WDHD1: variants seen among roughly 807,000 people sequenced by gnomAD.
WDHD1 encodes WD repeat and HMG-box DNA binding protein 1, also known as WD repeat and HMG-box DNA-binding protein 1.
In WDHD1, 111 loss-of-function variants were observed where a neutral mutation model predicts 135.4. The ratio of observed to expected loss-of-function variants is 0.82; its 90% CI spans 0.70 to 0.96. WDHD1 has a LOEUF of 0.96. WDHD1 is among the 40% of genes least tolerant of loss of function. WDHD1 has a pLI of 0.00. For missense variants in WDHD1, 1,351 were observed against 1,336.3 expected (o/e 1.01, Z -0.17); for synonymous variants, 434 against 439.0 (o/e 0.99, Z 0.14).
rs142576091 is a variant in WDHD1 at position 54,962,541 on chromosome 14, C to T, written c.2658G>A (p.Ser886=). 295 of 1,609,584 alleles carry T rather than the reference C, an allele frequency of 1.8e-4. No individual in the cohort carries two copies. In the Admixed American group the frequency reaches 2.3e-3, roughly 13 times the overall value. Residue 886 remains serine, a synonymous_variant, in exon 21 of 26, where the codon TCG becomes TCA. Coordinates refer to ENST00000360586, the MANE Select transcript of WDHD1 (RefSeq NM_007086.4). ...CAGAGGAATTTGTACTTTTGGAAAACGAGTTCTGTCCTACAGATTAAAATA... is the reference window on the plus strand; with the variant it reads ...CAGAGGAATTTGTACTTTTGGAAAATGAGTTCTGTCCTACAGATTAAAATA... ...KPEIHKPGQN[S]FSKSTNSSDV...
In WDHD1 at chr14:55,005,770, A is replaced by C. The variant is rs2042057459; in HGVS notation, c.600+1510T>G. On this transcript the variant is annotated intron_variant, in intron 7 of 25. Coordinates refer to ENST00000360586, the MANE Select transcript of WDHD1 (RefSeq NM_007086.4). ...TCTCTGGGTAGTGCAGAAAGCCCTCATGGGCTTTAGAATCAGCTCAATTTG... is the reference window on the plus strand; with the variant it reads ...TCTCTGGGTAGTGCAGAAAGCCCTCCTGGGCTTTAGAATCAGCTCAATTTG... 4 of 346,264 alleles carry C rather than the reference A, an allele frequency of 1.2e-5. 1 individual carries two copies. Among genetic ancestry groups the C allele is most frequent in the African/African-American group, 8.5e-5 (4 of 47,226 alleles). The allele number at this position is 346,264 out of a possible 1,614,324, so 21.4% of individuals were successfully genotyped here. A position where few individuals can be genotyped will look rare whatever the true frequency, so the allele number is the denominator to read the frequency against.
intron 12 of WDHD1, among the ~76,000 whole-genome samples, chr14:54,990,324 G>A (rs1171206662): frequency 6.6e-6 from 1 of 152,030 alleles, no homozygotes; most frequent in African/African-American, 2.4e-5. Context: ...CAGGCCAGGC[G>A]CGGTGGCTCA....
chr14:54,949,820 G>A (rs994167891), intron 24 of WDHD1, among the ~76,000 whole-genome samples: 2 of 152,236 alleles, frequency 1.3e-5, no homozygotes, highest in Non-Finnish European at 2.9e-5. Context: ...TGAGCCAGAA[G>A]AGAGTGGGGG....
chr14:55,015,710 T>C (rs2140228883), intron 2 of WDHD1, among the ~76,000 whole-genome samples: 1 of 152,152 alleles, frequency 6.6e-6, no homozygotes, highest in East Asian at 1.9e-4. Flanking sequence ...TTTTTTTTTT[T>C]TTTTTTGAGA....
intron 18 of WDHD1, among the ~76,000 whole-genome samples, chr14:54,965,631 C>T (rs953948408): frequency 4.6e-5 from 7 of 152,126 alleles, no homozygotes; most frequent in Non-Finnish European, 4.4e-5. Context: ...ATGTTTATTC[C>T]TGCACATGAT....
intron 24 of WDHD1, among the ~76,000 whole-genome samples, chr14:54,951,363 T>C (rs1180211124): frequency 2.0e-5 from 3 of 152,050 alleles, no homozygotes; most frequent in Non-Finnish European, 4.4e-5. Flanking sequence ...AAGAATACTA[T>C]AAACACCTCT....
intron 7 of WDHD1, among the ~76,000 whole-genome samples, 164 bp downstream of exon 7, chr14:55,007,116 T>C (rs1295190168): frequency 6.6e-6 from 1 of 151,238 alleles, no homozygotes; most frequent in African/African-American, 2.4e-5. Flanking sequence ...TAATCCCAGC[T>C]ACTCGGGAGG....
At chr14:55,013,623 T>C in intron 2 of WDHD1, 27 bp from the exon 3 acceptor site, 1 of 1,570,410 alleles carries the variant, frequency 6.4e-7, no homozygotes, top group Non-Finnish European at 8.8e-7. Context: ...CAAATTAAAG[T>C]CATCGGGCAT....
At chr14:54,989,257 C>T (rs777119529) in intron 12 of WDHD1, 45 bp from the exon 13 acceptor site, 1 of 1,447,184 alleles carries the variant, frequency 6.9e-7, no homozygotes, top group Non-Finnish European at 9.5e-7. Flanking sequence ...AAAACTGAAG[C>T]TCCTAGAATC....
chr14:54,971,693 A>G (rs934933466), intron 16 of WDHD1, among the ~76,000 whole-genome samples: 1 of 145,542 alleles, frequency 6.9e-6, no homozygotes, highest in Non-Finnish European at 1.5e-5. Flanking sequence ...AGCCTGGGTG[A>G]CAGAATGAGA....
chr14:55,026,902 T>G, intron 1 of WDHD1, 99 bp from the exon 2 acceptor site: 1 of 1,160,230 alleles, frequency 8.6e-7, no homozygotes, highest in Non-Finnish European at 1.3e-6. Flanking sequence ...GGGCCCGTTC[T>G]CCGCAGCCCG....
chr14:54,941,972 C>T (rs1267993395), intron 25 of WDHD1, among the ~76,000 whole-genome samples: 3 of 152,004 alleles, frequency 2.0e-5, no homozygotes, highest in Non-Finnish European at 4.4e-5. Context: ...AACTTTTGGC[C>T]AGGCACGGTG....
At chr14:54,974,625 A>G (rs554380480) in intron 16 of WDHD1, among the ~76,000 whole-genome samples, 3 of 152,164 alleles carry the variant, frequency 2.0e-5, no homozygotes, top group African/African-American at 7.2e-5. Flanking sequence ...CTGGAGATCG[A>G]GACCAGCCTG....
At chr14:54,944,860 G>A (rs551994905) in intron 24 of WDHD1, among the ~76,000 whole-genome samples, 1 of 151,898 alleles carries the variant, frequency 6.6e-6, no homozygotes, top group African/African-American at 2.4e-5. Flanking sequence ...TGCCCGCCTC[G>A]GCTTCCCAAA....
At chr14:54,988,667 T>C (rs983840975) in intron 13 of WDHD1, among the ~76,000 whole-genome samples, 2 of 151,952 alleles carry the variant, frequency 1.3e-5, no homozygotes, top group African/African-American at 4.8e-5. Flanking sequence ...GAGTTTTCAT[T>C]TTCCGAAACT....
At chr14:55,005,391 C>T in intron 7 of WDHD1, 2 of 567,490 alleles carry the variant, frequency 3.5e-6, no homozygotes, top group Admixed American at 3.8e-5. Flanking sequence ...AAGCAGCCAG[C>T]AACTGGAGTG....
At chr14:54,953,600 G>C (rs1029159435) in intron 24 of WDHD1, among the ~76,000 whole-genome samples, 1 of 152,166 alleles carries the variant, frequency 6.6e-6, no homozygotes, top group Non-Finnish European at 1.5e-5. Context: ...AATACCATTT[G>C]ACCCAGCAAT....
chr14:55,002,208 T>C (rs1200336394), intron 7 of WDHD1, 23 bp from the exon 8 acceptor site: 2 of 1,485,714 alleles, frequency 1.3e-6, no homozygotes, highest in Non-Finnish European at 1.8e-6. Context: ...ATAAACAACG[T>C]AAACAAAAGT....
At chr14:54,957,522 A>T (rs2041180197) in intron 22 of WDHD1, 70 bp downstream of exon 22, 1 of 1,343,688 alleles carries the variant, frequency 7.4e-7, no homozygotes, top group Admixed American at 2.3e-5. Flanking sequence ...GAGTCATCTC[A>T]TCATTTGGAA....
Sources: gnomAD v4.1 joint callset for allele counts (sites outside exome capture counted in the v4.1 genomes callset) on GRCh38, gnomAD v4.1.1 for gene constraint, MANE v1.5 for transcripts, NCBI Gene and HGNC (gene_info 2026-07-23, HGNC 2026-07-21) for gene names.